Variants in DNAH14 observed in about 807,000 individuals in gnomAD.
DNAH14 encodes the protein axonemal beta dynein heavy chain 14.
DNAH14 carries 478 observed loss-of-function variants against 520.9 expected under a neutral mutation model. The observed-to-expected ratio is 0.92, with a 90% CI of 0.85 to 0.99. The LOEUF (loss-of-function observed/expected upper bound fraction) is 0.99. Among genes scored for constraint, DNAH14 ranks in the 50% least tolerant of loss-of-function variants. The pLI is 0.00. For synonymous variants in DNAH14, 1,581 were observed against 1,757.2 expected, an observed-to-expected ratio of 0.90 and a Z score of 2.51; for missense variants, 4,831 against 5,234.5, an observed-to-expected ratio of 0.92 and a Z score of 2.38.
chr1:225,344,958 C>A (rs982963689), intron 69 of DNAH14, among the ~76,000 whole-genome samples: 2 of 152,074 alleles, frequency 1.3e-5, no homozygotes, highest in East Asian at 3.9e-4. Context: ...CATGATCCGC[C>A]TGCCTGGGCC....
chr1:225,180,425 G>A (rs1020629432), intron 36 of DNAH14, among the ~76,000 whole-genome samples: 1 of 152,144 alleles, frequency 6.6e-6, no homozygotes, highest in African/African-American at 2.4e-5. Flanking sequence ...TCTGATGGCT[G>A]AAAAGTTCAA....
chr1:225,318,738 T>C, intron 61 of DNAH14, 61 bp downstream of exon 61: 3 of 1,444,766 alleles, frequency 2.1e-6, no homozygotes, highest in Non-Finnish European at 2.8e-6. Context: ...AATTCATGTT[T>C]ACTAAGCCTA....
At chr1:225,072,477 A>C (rs1180277334) in intron 17 of DNAH14, among the ~76,000 whole-genome samples, 2 of 152,142 alleles carry the variant, frequency 1.3e-5, no homozygotes, top group African/African-American at 4.8e-5. Context: ...ATTGGGTTAC[A>C]ATGTACTTCT....
chr1:225,154,004 C>T (rs1403838738), intron 34 of DNAH14, among the ~76,000 whole-genome samples, 178 bp downstream of exon 34: 1 of 151,656 alleles, frequency 6.6e-6, no homozygotes, highest in East Asian at 1.9e-4. Context: ...TGCACAAAAT[C>T]GGAGTACTTT....
At chr1:225,257,726 G>A (rs2092788949) in intron 44 of DNAH14, among the ~76,000 whole-genome samples, 1 of 151,662 alleles carries the variant, frequency 6.6e-6, no homozygotes, top group South Asian at 2.1e-4. Context: ...TAGTAGAGAT[G>A]GGGTTTCACC....
At chr1:225,394,328 C>A (rs1019407937) in intron 84 of DNAH14, among the ~76,000 whole-genome samples, 8 of 152,070 alleles carry the variant, frequency 5.3e-5, no homozygotes, top group Non-Finnish European at 7.4e-5. Flanking sequence ...GCATCTTCTC[C>A]CAGTGTGTGA....
intron 39 of DNAH14, 21 bp downstream of exon 39, chr1:225,204,294 G>A: frequency 7.5e-7 from 1 of 1,334,286 alleles, no homozygotes; most frequent in Non-Finnish European, 1.0e-6. Flanking sequence ...CTAAATTCAA[G>A]AAAGATTATT....
intron 77 of DNAH14, among the ~76,000 whole-genome samples, chr1:225,373,184 A>AAAAAAAAT (rs910637881): frequency 6.6e-6 from 1 of 151,442 alleles, no homozygotes; most frequent in African/African-American, 2.4e-5. Flanking sequence ...AAAAAAAAAA[A>AAAAAAAAT]AGACAGGAAA....
intron 17 of DNAH14, among the ~76,000 whole-genome samples, chr1:225,075,569 A>G (rs1259805513): frequency 2.0e-5 from 3 of 152,100 alleles, no homozygotes; most frequent in African/African-American, 7.2e-5. Context: ...CTTCCTTAAA[A>G]TAATTATTTT....
At chr1:224,995,388 A>G (rs1427779840) in intron 8 of DNAH14, among the ~76,000 whole-genome samples, 1 of 151,742 alleles carries the variant, frequency 6.6e-6, no homozygotes, top group Non-Finnish European at 1.5e-5. Flanking sequence ...TCCCTGGCCT[A>G]CAGAGTTTCT....
chr1:224,932,288 C>A (rs2058747227), intron 1 of DNAH14, among the ~76,000 whole-genome samples: 1 of 151,970 alleles, frequency 6.6e-6, no homozygotes, highest in African/African-American at 2.4e-5. Context: ...CCTTTGCATA[C>A]TTTTTAATGG....
intron 4 of DNAH14, among the ~76,000 whole-genome samples, chr1:224,960,574 G>A (rs1430073290): frequency 6.6e-6 from 1 of 150,460 alleles, no homozygotes; most frequent in Non-Finnish European, 1.5e-5. Flanking sequence ...AATATAAACT[G>A]TATGGTTTTT....
intron 27 of DNAH14, among the ~76,000 whole-genome samples, chr1:225,132,203 TC>T (rs779777742): frequency 2.2e-4 from 33 of 152,192 alleles, no homozygotes; most frequent in Non-Finnish European, 4.7e-4. Context: ...GTTTTTTTTT[TC>T]ATCAACTTTT....
chr1:225,266,918 T>G, intron 49 of DNAH14, 149 bp downstream of exon 49: 1 of 631,898 alleles, frequency 1.6e-6, no homozygotes, highest in Non-Finnish European at 2.5e-6. Flanking sequence ...CTAAACTAAC[T>G]ATATTAATCA....
chr1:225,234,045 A>G (rs191919032), intron 42 of DNAH14, among the ~76,000 whole-genome samples: 2 of 152,314 alleles, frequency 1.3e-5, no homozygotes, highest in East Asian at 3.9e-4. Context: ...TAAATAGGGA[A>G]TCCTTTCCCC....
intron 64 of DNAH14, among the ~76,000 whole-genome samples, chr1:225,326,200 T>G (rs78549173): frequency 0.013 from 1,944 of 152,274 alleles, 41 homozygotes; most frequent in African/African-American, 0.044. Context: ...AAAACTAAAT[T>G]TTAAAGATTT....
intron 48 of DNAH14, among the ~76,000 whole-genome samples, chr1:225,265,951 A>G (rs2093099559): frequency 1.3e-5 from 2 of 152,036 alleles, no homozygotes; most frequent in Admixed American, 1.3e-4. Context: ...GACAGTTACA[A>G]ATTAGGTAAT....
At position 225,210,315 on chromosome 1, in the gene DNAH14, C is replaced by G. The variant is rs2088201518; in HGVS notation, c.6439+3095C>G. Among the ~76,000 whole-genome samples the G allele has an allele frequency of 2.0e-5, 3 of 152,120 alleles. No individual in the cohort carries two copies. The South Asian group carries it at 6.2e-4, about 32-fold the overall frequency. On this transcript the variant is annotated intron_variant, in intron 41 of 85. Coordinates refer to ENST00000682510, the MANE Select transcript of DNAH14 (RefSeq NM_001367479.1). ...ATGAAGTTTACCTGGGACTCTCGAG[C>G]TTGGTATGGGGAAGGGCATCCACCA...
chr1:225,284,614 G>T (rs954571953), intron 54 of DNAH14, among the ~76,000 whole-genome samples: 2 of 151,978 alleles, frequency 1.3e-5, no homozygotes, highest in Non-Finnish European at 2.9e-5. Context: ...ATAGAAGAGG[G>T]AATACTTCCC....
Sources: gnomAD v4.1 joint callset for allele counts (sites outside exome capture counted in the v4.1 genomes callset) on GRCh38, gnomAD v4.1.1 for gene constraint, MANE v1.5 for transcripts, NCBI Gene and HGNC (gene_info 2026-07-23, HGNC 2026-07-21) for gene names.